ZNF354A: variants seen among roughly 807,000 people sequenced by gnomAD.
ZNF354A encodes the protein epididymis luminal protein 104.
In ZNF354A, 25 loss-of-function variants were observed where a neutral mutation model predicts 53.3. The ratio of observed to expected loss-of-function variants is 0.47; its 90% CI spans 0.34 to 0.66. ZNF354A has a LOEUF of 0.66. ZNF354A is among the 30% of genes least tolerant of loss of function. The probability of loss-of-function intolerance (pLI) is 0.01; values close to 1 mark genes in which losing one functional copy is unlikely to be tolerated. For missense variants in ZNF354A, 586 were observed against 716.8 expected, an observed-to-expected ratio of 0.82 and a Z score of 2.08; for synonymous variants, 228 against 249.0, an observed-to-expected ratio of 0.92 and a Z score of 0.79.
chr5:178,727,108 C>T lies in ZNF354A; in HGVS notation c.51G>A (p.Glu17=), dbSNP rs1449522461. ...CTCGGGTAAACAGCACAGCCACATC[C>T]TCAAACGTCAGTGACACCTGTAAGG... ...EARPQVSLTF[E]DVAVLFTRDE... is the part of the protein sequence containing the mutation. The change falls in exon 3 of 5, where the codon GAG becomes GAA. Residue 17 remains glutamate, a synonymous_variant. Transcript: ENST00000335815. The T allele has an allele frequency of 1.9e-6, 3 of 1,613,692 alleles. No individual in the cohort carries two copies. The highest frequency in any genetic ancestry group is 2.7e-5 in the African/African-American group (2 of 74,910).
chr5:178,724,682 T>G (rs888741770), intron 4 of ZNF354A, among the ~76,000 whole-genome samples: 2 of 152,214 alleles, frequency 1.3e-5, no homozygotes, highest in Non-Finnish European at 2.9e-5. Context: ...CCATTCCAAG[T>G]GTAACTAATG....
At chr5:178,717,529 A>G (rs1765738002) in intron 4 of ZNF354A, among the ~76,000 whole-genome samples, 1 of 151,632 alleles carries the variant, frequency 6.6e-6, no homozygotes, top group African/African-American at 2.4e-5. Flanking sequence ...GAAGGGGAAG[A>G]CCAGGAAAGG....
chr5:178,723,081 G>A (rs1765840985), intron 4 of ZNF354A, among the ~76,000 whole-genome samples: 1 of 152,252 alleles, frequency 6.6e-6, no homozygotes, highest in Non-Finnish European at 1.5e-5. Context: ...GGAAGGAGCT[G>A]AGAGTGAAGA....
intron 4 of ZNF354A, 75 bp downstream of exon 4, chr5:178,725,301 A>C (rs1765883497): frequency 3.2e-4 from 468 of 1,454,506 alleles, no homozygotes; most frequent in Middle Eastern, 4.8e-4. Flanking sequence ...GGAGTTTCCC[A>C]ACCAACGTTC....
intron 4 of ZNF354A, among the ~76,000 whole-genome samples, chr5:178,715,349 A>G (rs903208764): frequency 6.6e-6 from 1 of 151,684 alleles, no homozygotes; most frequent in South Asian, 2.1e-4. Flanking sequence ...TTCATGGATA[A>G]CTCTTCTTCC....
At chr5:178,726,316 CTT>C (rs34544499) in intron 3 of ZNF354A, 452 of 339,412 alleles carry the variant, frequency 1.3e-3, no homozygotes, top group East Asian at 2.2e-3. Flanking sequence ...TACTACGTGG[CTT>C]TTTTTTTTTT....
At position 178,730,042 on chromosome 5, in the gene ZNF354A, T is replaced by G. The variant is rs530085271; in HGVS notation, c.-52+514A>C. Among the ~76,000 whole-genome samples, 204 of 152,146 alleles carry G rather than the reference T, an allele frequency of 1.3e-3. 1 individual carries two copies. The Middle Eastern group carries it at 0.027, about 20-fold the overall frequency. On this transcript the variant is annotated intron_variant, in intron 1 of 4. Transcript: ENST00000335815. Reference sequence around the variant, plus strand: ...CTACGCCCGGCTAATTTTTTTTGTATTTTTAGTAGAGACGGGGTTTCACCG... The same window carrying G: ...CTACGCCCGGCTAATTTTTTTTGTAGTTTTAGTAGAGACGGGGTTTCACCG...
chr5:178,713,025 G>C lies in ZNF354A; in HGVS notation c.853C>G (p.Leu285Val). The C allele has an allele frequency of 1.2e-6, 2 of 1,614,134 alleles. No individual in the cohort carries two copies. The highest frequency in any genetic ancestry group is 1.7e-6 in the Non-Finnish European group (2 of 1,180,016). ...CGKAFTLSTSLYKHLRTHTVE... is the reference protein window; with the variant it reads ...CGKAFTLSTSVYKHLRTHTVE... ...GTATGGGTTCTTAGATGTTTATAAA[G>C]GGATGTACTGAGAGTAAAGGCTTTC... Residue 285 changes from leucine to valine, a missense_variant, in exon 5 of 5, where the codon CTT becomes GTT. Around this residue, in one of 2 missense-constraint regions of ZNF354A, gnomAD observed 573 missense variants for 680.1 expected, o/e 0.84. Coordinates refer to ENST00000335815, the MANE Select transcript of ZNF354A (RefSeq NM_005649.3).
chr5:178,724,586 T>A (rs977263361), intron 4 of ZNF354A, among the ~76,000 whole-genome samples: 6 of 152,176 alleles, frequency 3.9e-5, no homozygotes, highest in African/African-American at 1.4e-4. Context: ...TCAAATCACA[T>A]AAGAACGTCA....
intron 4 of ZNF354A, among the ~76,000 whole-genome samples, chr5:178,714,009 C>G (rs1341261984): frequency 6.9e-6 from 1 of 144,734 alleles, no homozygotes; most frequent in Non-Finnish European, 1.5e-5. Context: ...CATTTATCTT[C>G]TTTGTGTAAT....
At chr5:178,730,226 G>A (rs953699364) in intron 1 of ZNF354A, among the ~76,000 whole-genome samples, 3 of 152,136 alleles carry the variant, frequency 2.0e-5, no homozygotes, top group Admixed American at 6.5e-5. Context: ...GGCCGTCCTG[G>A]GGACGGACTC....
chr5:178,712,446 T>C lies in ZNF354A; in HGVS notation c.1432A>G (p.Ser478Gly). ...CKVCGKAFRQ[S>G]SALIQHQRMH... ...CTCTGATGTTGAATGAGAGCTGAAC[T>C]CTGTCTGAAGGCTTTTCCACATACT... Residue 478 changes from serine to glycine, a missense_variant, in exon 5 of 5, where the codon AGT becomes GGT. Transcript: ENST00000335815. 6.2e-7 allele frequency: 1 copy of C among 1,614,002 alleles called. No homozygotes were observed. Among genetic ancestry groups the C allele is most frequent in the Non-Finnish European group, 8.5e-7 (1 of 1,179,896 alleles).
intron 4 of ZNF354A, among the ~76,000 whole-genome samples, chr5:178,714,468 T>C (rs933612415): frequency 1.3e-5 from 2 of 152,180 alleles, no homozygotes; most frequent in African/African-American, 4.8e-5. Flanking sequence ...AACATATGTA[T>C]TACTGACCTT....
intron 2 of ZNF354A, 46 bp from the exon 3 acceptor site, chr5:178,727,171 A>G: frequency 6.4e-7 from 1 of 1,553,534 alleles, no homozygotes; most frequent in Non-Finnish European, 8.7e-7. Context: ...ACCCTCACAG[A>G]GCAGAGGGGG....
intron 4 of ZNF354A, among the ~76,000 whole-genome samples, chr5:178,723,208 C>T (rs922148360): frequency 3.3e-5 from 5 of 152,226 alleles, no homozygotes; most frequent in Non-Finnish European, 7.4e-5. Flanking sequence ...AAAGCTCTCC[C>T]CAGCACAGGG....
chr5:178,721,598 G>A (rs1423844378), intron 4 of ZNF354A, among the ~76,000 whole-genome samples: 1 of 152,162 alleles, frequency 6.6e-6, no homozygotes, highest in Non-Finnish European at 1.5e-5. Context: ...CATAGTAGAA[G>A]TTACAGAGGT....
At chr5:178,721,464 T>G (rs759138101) in intron 4 of ZNF354A, among the ~76,000 whole-genome samples, 19 of 152,194 alleles carry the variant, frequency 1.2e-4, no homozygotes, top group Non-Finnish European at 2.5e-4. Context: ...ACTGAAACAT[T>G]ATGTGCTCCA....
intron 2 of ZNF354A, among the ~76,000 whole-genome samples, chr5:178,727,397 C>T (rs1765932006): frequency 1.3e-5 from 2 of 152,072 alleles, no homozygotes; most frequent in African/African-American, 2.4e-5. Flanking sequence ...TTTCTGATGG[C>T]GATTTGCTAA....
At chr5:178,718,892 T>C (rs572652016) in intron 4 of ZNF354A, among the ~76,000 whole-genome samples, 72 of 152,232 alleles carry the variant, frequency 4.7e-4, no homozygotes, top group African/African-American at 1.5e-3. Flanking sequence ...ACTGCCAAGC[T>C]TGGCTAATAT....
Sources: gnomAD v4.1 joint callset for allele counts (sites outside exome capture counted in the v4.1 genomes callset) on GRCh38, gnomAD v4.1.1 for gene constraint, gnomAD v4.1.1 regional missense constraint, MANE v1.5 for transcripts, NCBI Gene and HGNC (gene_info 2026-07-23, HGNC 2026-07-21) for gene names.